NBAS: variants seen among roughly 807,000 people sequenced by gnomAD.
NBAS encodes NBAS subunit of NRZ tethering complex.
A neutral mutation model predicts 302.5 loss-of-function variants in NBAS; 219 were observed. The observed-to-expected ratio is 0.72, with a 90% CI of 0.65 to 0.81. The LOEUF is 0.81. NBAS is among the 30% of genes least tolerant of loss of function. The probability of loss-of-function intolerance (pLI) is 0.00; values close to 1 mark genes in which losing one functional copy is unlikely to be tolerated. For missense variants in NBAS, 2,932 were observed against 2,841.6 expected, an observed-to-expected ratio of 1.03 and a Z score of -0.72; for synonymous variants, 1,118 against 1,021.6, an observed-to-expected ratio of 1.09 and a Z score of -1.80.
intron 44 of NBAS, among the ~76,000 whole-genome samples, chr2:15,239,400 T>TA (rs1228204175): frequency 4.1e-5 from 2 of 48,734 alleles, no homozygotes; most frequent in African/African-American, 1.7e-4. Flanking sequence ...TGTGTGTGTG[T>TA]GTATATATAT....
intron 16 of NBAS, among the ~76,000 whole-genome samples, chr2:15,472,837 G>A (rs1434708270): frequency 6.6e-6 from 1 of 152,128 alleles, no homozygotes; most frequent in Non-Finnish European, 1.5e-5. Flanking sequence ...ATCCTTTATA[G>A]TTCATCTCTG....
At chr2:14,901,594 T>C in the NBAS span, among the ~76,000 whole-genome samples, 1 of 151,972 alleles carries the variant, frequency 6.6e-6, no homozygotes, top group African/African-American at 2.4e-5. Context: ...TGAGAACAGC[T>C]GAAATACTGA....
intron 50 of NBAS, 95 bp from the exon 51 acceptor site, chr2:15,179,211 G>A (rs776518651): frequency 5.0e-6 from 8 of 1,584,888 alleles, no homozygotes; most frequent in Non-Finnish European, 6.9e-6. Flanking sequence ...TTCTGTGGTA[G>A]CGTGTGTGTG....
At chr2:15,471,721 A>G (rs1480314267) in intron 16 of NBAS, among the ~76,000 whole-genome samples, 1 of 152,196 alleles carries the variant, frequency 6.6e-6, no homozygotes, top group Non-Finnish European at 1.5e-5. Context: ...AGGTCATGAG[A>G]GTGGAGGCCC....
intron 21 of NBAS, among the ~76,000 whole-genome samples, chr2:15,448,225 C>T (rs541996346): frequency 1.3e-5 from 2 of 152,092 alleles, no homozygotes; most frequent in Non-Finnish European, 2.9e-5. Flanking sequence ...GCCCTTTTAG[C>T]GTACCTAAAA....
the NBAS span, among the ~76,000 whole-genome samples, chr2:14,927,386 C>T: frequency 1.3e-5 from 2 of 152,222 alleles, no homozygotes; most frequent in Admixed American, 6.5e-5. Context: ...CTATGCTAAG[C>T]ATATGTCAAC....
At chr2:14,996,188 T>C in the NBAS span, among the ~76,000 whole-genome samples, 14 of 152,322 alleles carry the variant, frequency 9.2e-5, no homozygotes, top group African/African-American at 2.9e-4. Context: ...GTCTCTCTGA[T>C]AGCTAGATTC....
intron 44 of NBAS, among the ~76,000 whole-genome samples, chr2:15,266,022 G>A (rs1181101115): frequency 2.0e-5 from 3 of 152,172 alleles, no homozygotes; most frequent in African/African-American, 7.2e-5. Flanking sequence ...GGACCAGGTG[G>A]AGATAACTGA....
At position 15,479,938 on chromosome 2, in the gene NBAS, C is replaced by T. The variant is rs376836576; in HGVS notation, c.1084-1649G>A. On this transcript the variant is annotated intron_variant, in intron 12 of 51. Coordinates refer to ENST00000281513, the MANE Select transcript of NBAS (RefSeq NM_015909.4). ...AATCAATCAACCAAATTTTAAGTCA[C>T]TGAATTCTAATTACAATTCAATTCT... Among the ~76,000 whole-genome samples, 175 of 152,338 alleles carry T rather than the reference C, an allele frequency of 1.1e-3. 2 individuals carry two copies. The highest frequency in any genetic ancestry group is 4.0e-3 in the African/African-American group (166 of 41,574).
chr2:15,087,042 G>A, the NBAS span, among the ~76,000 whole-genome samples: 1 of 150,858 alleles, frequency 6.6e-6, no homozygotes, highest in East Asian at 2.0e-4. Context: ...CCTTCAAACT[G>A]GAACATCATT....
In NBAS at chr2:15,383,331, T is replaced by A. The variant is rs1476690907; in HGVS notation, c.3258-14A>T. ...ACAGGAGGCTGCCTGGAAAAACACA[T>A]AAAAAAGACAAGGAAGAGGGAAAGA... On this transcript the variant is annotated splice_polypyrimidine_tract_variant and intron_variant, in intron 28 of 51. Coordinates refer to ENST00000281513, the MANE Select transcript of NBAS (RefSeq NM_015909.4). The A allele has an allele frequency of 6.2e-7, 1 of 1,604,968 alleles. No homozygotes were observed. Among genetic ancestry groups the A allele is most frequent in the Non-Finnish European group, 8.5e-7 (1 of 1,172,116 alleles).
chr2:15,295,069 T>C (rs756772686), intron 40 of NBAS, among the ~76,000 whole-genome samples: 1 of 152,242 alleles, frequency 6.6e-6, no homozygotes, highest in Non-Finnish European at 1.5e-5. Flanking sequence ...TCCACATTCA[T>C]TTTTGACTTT....
the NBAS span, among the ~76,000 whole-genome samples, chr2:14,960,838 T>C: frequency 5.3e-5 from 8 of 152,208 alleles, no homozygotes; most frequent in African/African-American, 1.9e-4. Flanking sequence ...TCATAGTCAA[T>C]GAACAAGACC....
chr2:14,868,451 A>C, the NBAS span, among the ~76,000 whole-genome samples: 2 of 152,238 alleles, frequency 1.3e-5, no homozygotes, highest in African/African-American at 4.8e-5. Flanking sequence ...TGATTTGAAA[A>C]TAAAGGTCTA....
the NBAS span, among the ~76,000 whole-genome samples, chr2:15,118,419 G>A: frequency 0.14 from 20,636 of 152,098 alleles, 2,651 homozygotes; most frequent in African/African-American, 0.32. Flanking sequence ...AGCGGCCTCT[G>A]TGAGCCACCA....
chr2:15,368,440 C>T (rs1026990248), intron 31 of NBAS, among the ~76,000 whole-genome samples: 5 of 152,112 alleles, frequency 3.3e-5, no homozygotes, highest in Middle Eastern at 3.4e-3. Context: ...CCTTGTGATC[C>T]GCCCTCCTCG....
chr2:14,931,442 G>A, the NBAS span, among the ~76,000 whole-genome samples: 1 of 152,266 alleles, frequency 6.6e-6, no homozygotes, highest in Non-Finnish European at 1.5e-5. Flanking sequence ...GCCTAAAAAG[G>A]ACAGATATAC....
At chr2:15,263,112 C>T (rs914342923) in intron 44 of NBAS, among the ~76,000 whole-genome samples, 1 of 152,150 alleles carries the variant, frequency 6.6e-6, no homozygotes, top group African/African-American at 2.4e-5. Flanking sequence ...ACTTCTGTTC[C>T]TTTCTCCAAT....
chr2:15,024,473 G>T, the NBAS span, among the ~76,000 whole-genome samples: 266 of 152,212 alleles, frequency 1.7e-3, no homozygotes, highest in African/African-American at 6.0e-3. Flanking sequence ...ATTCCTTTGG[G>T]TATATACCCA....
Sources: allele counts gnomAD v4.1 joint callset (sites outside exome capture counted in the v4.1 genomes callset), GRCh38; gene constraint gnomAD v4.1.1; transcripts MANE v1.5; gene names NCBI Gene and HGNC (gene_info 2026-07-23, HGNC 2026-07-21).